The following NUDCD3 variants were observed in gnomAD, a reference collection of about 807,000 sequenced individuals.
NUDCD3 encodes the protein nudC domain-containing protein 3.
Under a neutral mutation model 39.7 loss-of-function variants are expected in NUDCD3, and 13 were observed. That is an observed-to-expected ratio of 0.33 (90% CI 0.21 to 0.52). NUDCD3 has a LOEUF of 0.52. Among genes scored for constraint, NUDCD3 ranks in the 20% least tolerant of loss-of-function variants. The pLI is 0.96. For missense variants in NUDCD3, 453 were observed against 458.1 expected (o/e 0.99, Z 0.10); for synonymous variants, 175 against 172.4 (o/e 1.02, Z -0.12).
At chr7:44,475,477 G>C (rs1325554270) in intron 2 of NUDCD3, among the ~76,000 whole-genome samples, 1 of 152,048 alleles carries the variant, frequency 6.6e-6, no homozygotes, top group Non-Finnish European at 1.5e-5. Flanking sequence ...AAAAAAACAG[G>C]CTGGATACAG....
At chr7:44,456,043 A>AC (rs1294561678) in intron 2 of NUDCD3, among the ~76,000 whole-genome samples, 12 of 137,946 alleles carry the variant, frequency 8.7e-5, no homozygotes, top group African/African-American at 2.9e-4. Flanking sequence ...AAAAAAAAAA[A>AC]AAAAAAACAA....
At chr7:44,416,324 A>G (rs1799021754) in intron 3 of NUDCD3, among the ~76,000 whole-genome samples, 1 of 151,980 alleles carries the variant, frequency 6.6e-6, no homozygotes, top group Non-Finnish European at 1.5e-5. Flanking sequence ...CCTGGGCTCA[A>G]GCAATCTGCC....
At chr7:44,473,692 T>C (rs1347236610) in intron 2 of NUDCD3, among the ~76,000 whole-genome samples, 1 of 152,206 alleles carries the variant, frequency 6.6e-6, no homozygotes, top group East Asian at 1.9e-4. Flanking sequence ...CCTGCTTCTA[T>C]TACATACTCT....
Position 44,392,423 on chromosome 7 carries a change from G to A in NUDCD3, c.849C>T (p.Ile283=), listed in dbSNP as rs373252591. 3.7e-6 allele frequency: 6 copies of A among 1,614,126 alleles called. No individual in the cohort carries two copies. The highest frequency in any genetic ancestry group is 1.3e-5 in the African/African-American group (1 of 75,014). The change falls in exon 5 of 6, where the codon ATC becomes ATT. Residue 283 remains isoleucine, a synonymous_variant. Transcript: ENST00000355451. Reference sequence around the variant, plus strand: ...GCTCCTTGTTGATCTTGTCAATGTCGATGGGCTCTTCTCCCTCCAGGATGG... The same window carrying A: ...GCTCCTTGTTGATCTTGTCAATGTCAATGGGCTCTTCTCCCTCCAGGATGG... ...WNAILEGEEP[I]DIDKINKERS... is the part of the protein sequence containing the mutation.
chr7:44,486,451 T>C (rs541670036), intron 1 of NUDCD3, among the ~76,000 whole-genome samples: 1 of 151,948 alleles, frequency 6.6e-6, no homozygotes, highest in East Asian at 1.9e-4. Context: ...CAGCTCCTGC[T>C]GGCAAAAGAA....
chr7:44,469,305 T>C (rs1800203788), intron 2 of NUDCD3, among the ~76,000 whole-genome samples: 1 of 152,070 alleles, frequency 6.6e-6, no homozygotes. Flanking sequence ...GGTCAGCTCA[T>C]GGGAATACTC....
intron 4 of NUDCD3, among the ~76,000 whole-genome samples, chr7:44,401,909 A>C (rs1429676194): frequency 6.6e-6 from 1 of 151,906 alleles, no homozygotes; most frequent in Non-Finnish European, 1.5e-5. Context: ...CTATCCTCTT[A>C]AGGCACAGCT....
In NUDCD3 at chr7:44,423,336, G is replaced by A. The variant is rs181717873; in HGVS notation, c.642+4235C>T. Among the ~76,000 whole-genome samples, 375 of 152,200 alleles carry A rather than the reference G, an allele frequency of 2.5e-3. 2 individuals are homozygous for A. The highest frequency in any genetic ancestry group is 8.4e-3 in the African/African-American group (349 of 41,532). ...GAAATAAAGCGTATTCAAATAGGAA[G>A]GGAGGAAGTCAAATTGTCTCTGTTT... is the stretch of plus-strand genomic sequence containing the variant. On this transcript the variant is annotated intron_variant, in intron 3 of 5. Coordinates refer to ENST00000355451, the MANE Select transcript of NUDCD3 (RefSeq NM_015332.4).
At chr7:44,430,412 C>T (rs1009021671) in intron 2 of NUDCD3, among the ~76,000 whole-genome samples, 1 of 152,156 alleles carries the variant, frequency 6.6e-6, no homozygotes, top group African/African-American at 2.4e-5. Flanking sequence ...CTTAAACATG[C>T]AGAGAATATC....
chr7:44,489,422 G>GT (rs2116991314), intron 1 of NUDCD3, among the ~76,000 whole-genome samples: 1 of 152,354 alleles, frequency 6.6e-6, no homozygotes, highest in African/African-American at 2.4e-5. Context: ...GCTGAGGAAA[G>GT]TAACATCTTA....
At chr7:44,467,552 TCAAGG>T (rs1800144216) in intron 2 of NUDCD3, among the ~76,000 whole-genome samples, 4 of 151,802 alleles carry the variant, frequency 2.6e-5, no homozygotes, top group Admixed American at 2.6e-4. Flanking sequence ...AGCTCTTTGA[TCAAGG>T]GGCAGGTCAG....
chr7:44,446,703 T>C (rs1799695666), intron 2 of NUDCD3, among the ~76,000 whole-genome samples: 1 of 152,218 alleles, frequency 6.6e-6, no homozygotes, highest in Admixed American at 6.5e-5. Flanking sequence ...GTATCTCACT[T>C]CAAGCCATAA....
chr7:44,390,264 T>C (rs1017765167), intron 5 of NUDCD3, among the ~76,000 whole-genome samples: 14 of 152,130 alleles, frequency 9.2e-5, no homozygotes, highest in African/African-American at 3.4e-4. Context: ...CTCAGGAGGC[T>C]GAGGCAGGAG....
At chr7:44,389,305 G>A (rs554494848) in intron 5 of NUDCD3, among the ~76,000 whole-genome samples, 27 of 152,212 alleles carry the variant, frequency 1.8e-4, no homozygotes, top group Non-Finnish European at 3.8e-4. Context: ...GAACTGCCTG[G>A]AAGTTGCCTC....
At chr7:44,436,205 T>A (rs1037745440) in intron 2 of NUDCD3, among the ~76,000 whole-genome samples, 4 of 152,202 alleles carry the variant, frequency 2.6e-5, no homozygotes, top group Non-Finnish European at 4.4e-5. Context: ...GATAATTATA[T>A]TAAATTTAAG....
chr7:44,467,972 G>A, intron 2 of NUDCD3: 1 of 1,611,628 alleles, frequency 6.2e-7, no homozygotes. Flanking sequence ...GCACCAGTCA[G>A]ACCAATATGT....
chr7:44,461,075 C>G (rs1585094618), intron 2 of NUDCD3, among the ~76,000 whole-genome samples: 1 of 152,144 alleles, frequency 6.6e-6, no homozygotes, highest in South Asian at 2.1e-4. Flanking sequence ...AAGACTATAC[C>G]CCTCCCAAGG....
Position 44,385,814 on chromosome 7 carries a change from T to C in NUDCD3, c.*197A>G, listed in dbSNP as rs1400748605. The C allele has an allele frequency of 3.5e-6, 2 of 577,158 alleles. No individual in the cohort carries two copies. Among genetic ancestry groups the C allele is most frequent in the East Asian group, 2.9e-5 (1 of 34,784 alleles). The allele number at this position is 577,158 out of a possible 1,614,324, so 35.8% of individuals were successfully genotyped here. On this transcript the variant is annotated 3_prime_UTR_variant, in exon 6 of 6. Coordinates refer to ENST00000355451, the MANE Select transcript of NUDCD3 (RefSeq NM_015332.4). Reference sequence around the variant, plus strand: ...AGTGTCAGCCACAGCGGCCACCACATAGCAGCTGGCCCCGCACCTTCTCTG... The same window carrying C: ...AGTGTCAGCCACAGCGGCCACCACACAGCAGCTGGCCCCGCACCTTCTCTG...
intron 2 of NUDCD3, among the ~76,000 whole-genome samples, chr7:44,470,413 C>G (rs957429757): frequency 6.6e-6 from 1 of 152,180 alleles, no homozygotes; most frequent in Non-Finnish European, 1.5e-5. Flanking sequence ...TCCAGAGGGT[C>G]TCAAAGCAAA....
Sources: allele counts gnomAD v4.1 joint callset (sites outside exome capture counted in the v4.1 genomes callset), GRCh38; gene constraint gnomAD v4.1.1; transcripts MANE v1.5; gene names NCBI Gene and HGNC (gene_info 2026-07-23, HGNC 2026-07-21).